Variants in CDH9 observed in about 807,000 individuals in gnomAD.
CDH9 encodes the protein cadherin-9.
A neutral mutation model predicts 70.9 loss-of-function variants in CDH9; 28 were observed. The ratio of observed to expected loss-of-function variants is 0.40; its 90% CI spans 0.29 to 0.54. The LOEUF (loss-of-function observed/expected upper bound fraction) is 0.54, where lower values mean the gene tolerates loss of function less well. CDH9 is among the 20% of genes least tolerant of loss of function. The pLI is 0.59. For synonymous variants in CDH9, 409 were observed against 343.1 expected, an observed-to-expected ratio of 1.19 and a Z score of -2.12; for missense variants, 874 against 984.4, an observed-to-expected ratio of 0.89 and a Z score of 1.50.
intron 7 of CDH9, among the ~76,000 whole-genome samples, chr5:26,891,226 C>T (rs1294459402): frequency 6.6e-6 from 1 of 152,180 alleles, no homozygotes. Context: ...AATATCTCCT[C>T]TCCCTAAGAT....
chr5:26,913,389 C>A (rs559975825), intron 3 of CDH9, among the ~76,000 whole-genome samples: 1 of 152,166 alleles, frequency 6.6e-6, no homozygotes, highest in Admixed American at 6.5e-5. Flanking sequence ...TGAAGAATAA[C>A]AATTGTCCTC....
At chr5:26,924,311 T>A (rs1002731125) in intron 2 of CDH9, among the ~76,000 whole-genome samples, 7 of 151,616 alleles carry the variant, frequency 4.6e-5, no homozygotes, top group African/African-American at 1.7e-4. Context: ...ATGAATAAAT[T>A]TCCAGACACA....
intron 1 of CDH9, among the ~76,000 whole-genome samples, chr5:27,007,468 C>T (rs1206702456): frequency 6.6e-6 from 1 of 151,806 alleles, no homozygotes; most frequent in East Asian, 1.9e-4. Context: ...AGTAGAGATA[C>T]CCATGATACA....
chr5:26,895,605 C>A (rs1462740065), intron 7 of CDH9, among the ~76,000 whole-genome samples: 3 of 151,960 alleles, frequency 2.0e-5, no homozygotes, highest in Non-Finnish European at 4.4e-5. Flanking sequence ...TATTTCAGAT[C>A]TTGTAAAGCT....
chr5:27,000,737 A>T (rs1742753341), intron 1 of CDH9, among the ~76,000 whole-genome samples: 1 of 152,284 alleles, frequency 6.6e-6, no homozygotes, highest in Admixed American at 6.5e-5. Flanking sequence ...TGAATAGATA[A>T]ACAGATTGTG....
intron 1 of CDH9, among the ~76,000 whole-genome samples, chr5:27,012,245 T>C (rs983270693): frequency 6.6e-6 from 1 of 151,998 alleles, no homozygotes; most frequent in Non-Finnish European, 1.5e-5. Context: ...GCTGTTGTAC[T>C]CCGTTGTTTT....
intron 7 of CDH9, among the ~76,000 whole-genome samples, chr5:26,893,188 T>C (rs1358709490): frequency 6.6e-6 from 1 of 152,244 alleles, no homozygotes; most frequent in East Asian, 1.9e-4. Context: ...GGTCTGATCA[T>C]AATTTTAACA....
chr5:27,013,653 C>G (rs1435071199), intron 1 of CDH9, among the ~76,000 whole-genome samples: 1 of 151,846 alleles, frequency 6.6e-6, no homozygotes, highest in Non-Finnish European at 1.5e-5. Flanking sequence ...GACAAGAATC[C>G]ACCTCTACAG....
chr5:26,892,154 T>A (rs1180728857), intron 7 of CDH9, among the ~76,000 whole-genome samples: 1 of 152,184 alleles, frequency 6.6e-6, no homozygotes, highest in Non-Finnish European at 1.5e-5. Context: ...AAAAGATAAA[T>A]TTTTGAAAAG....
At chr5:27,034,167 C>A (rs1436455284) in intron 1 of CDH9, among the ~76,000 whole-genome samples, 1 of 151,620 alleles carries the variant, frequency 6.6e-6, no homozygotes, top group Non-Finnish European at 1.5e-5. Flanking sequence ...CATGTTAAAT[C>A]TTTCATATTC....
At chr5:27,029,835 T>C (rs1743280386) in intron 1 of CDH9, among the ~76,000 whole-genome samples, 1 of 151,950 alleles carries the variant, frequency 6.6e-6, no homozygotes, top group Non-Finnish European at 1.5e-5. Context: ...TTGAGAAGCA[T>C]TGCTTCCTAC....
chr5:26,927,331 G>A (rs1741360939), intron 2 of CDH9, among the ~76,000 whole-genome samples: 1 of 151,986 alleles, frequency 6.6e-6, no homozygotes, highest in South Asian at 2.1e-4. Context: ...TCTAAGATTT[G>A]GAGAAGACAA....
At chr5:26,994,097 T>G (rs1301195902) in intron 1 of CDH9, among the ~76,000 whole-genome samples, 5 of 152,202 alleles carry the variant, frequency 3.3e-5, no homozygotes, top group Non-Finnish European at 7.3e-5. Context: ...ATCCCATTAT[T>G]GTATTTTGAG....
In CDH9 at chr5:26,915,897, C is replaced by T. The variant is rs1311488475; in HGVS notation, c.256G>A (p.Gly86Arg). The change falls in exon 3 of 12, where the codon GGA becomes AGA. Residue 86 changes from glycine (G) to arginine (R), a missense_variant. Gly to Arg is a moderately radical substitution (Grantham distance 125, BLOSUM62 -2). Coordinates refer to ENST00000231021, the MANE Select transcript of CDH9 (RefSeq NM_016279.4). ...KLHTDQDKGD[G>R]NLKYILTGDG... ...CCTGTTAGTATGTATTTTAAATTTC[C>T]ATCTCCTTTATCTTGGTCAGTGTGA... 1 of 1,611,152 alleles carries T rather than the reference C, an allele frequency of 6.2e-7. No individual in the cohort carries two copies.
At chr5:26,986,016 A>G (rs1055844669) in intron 2 of CDH9, among the ~76,000 whole-genome samples, 2 of 152,112 alleles carry the variant, frequency 1.3e-5, no homozygotes, top group African/African-American at 4.8e-5. Flanking sequence ...GCCCACTTTT[A>G]TAATGAACTA....
intron 2 of CDH9, among the ~76,000 whole-genome samples, chr5:26,959,421 G>A (rs984040124): frequency 2.0e-5 from 3 of 152,056 alleles, no homozygotes; most frequent in Admixed American, 2.0e-4. Context: ...ATAAGTGGGT[G>A]CAACCACTGG....
chr5:26,938,860 T>C (rs962313731), intron 2 of CDH9, among the ~76,000 whole-genome samples: 1 of 152,118 alleles, frequency 6.6e-6, no homozygotes, highest in African/African-American at 2.4e-5. Flanking sequence ...AATGTGCATC[T>C]GGTATGATTC....
At chr5:26,997,487 G>GA (rs982476169) in intron 1 of CDH9, among the ~76,000 whole-genome samples, 1 of 151,718 alleles carries the variant, frequency 6.6e-6, no homozygotes, top group African/African-American at 2.4e-5. Context: ...ACAACACAAA[G>GA]AAAAAAACAG....
intron 7 of CDH9, 72 bp from the exon 8 acceptor site, chr5:26,890,636 A>G (rs1445128417): frequency 9.4e-7 from 1 of 1,067,696 alleles, no homozygotes; most frequent in South Asian, 1.4e-5. Context: ...TTAAAGCTAT[A>G]GGTAATTTCC....
Sources: gnomAD v4.1 joint callset for allele counts (sites outside exome capture counted in the v4.1 genomes callset) on GRCh38, gnomAD v4.1.1 for gene constraint, MANE v1.5 for transcripts, NCBI Gene and HGNC (gene_info 2026-07-23, HGNC 2026-07-21) for gene names.